SUCLG2: variants seen among roughly 807,000 people sequenced by gnomAD.
The protein encoded by SUCLG2 is succinate--CoA ligase [GDP-forming] subunit beta, mitochondrial.
SUCLG2 carries 42 observed loss-of-function variants against 47.9 expected under a neutral mutation model. The ratio of observed to expected loss-of-function variants is 0.88; its 90% CI spans 0.69 to 1.14. The LOEUF (loss-of-function observed/expected upper bound fraction) is 1.14. Among genes scored for constraint, SUCLG2 ranks in the 50% most tolerant of loss-of-function variants. SUCLG2 has a pLI of 0.00. For missense variants in SUCLG2, 571 were observed against 525.9 expected (o/e 1.09, Z -0.84); for synonymous variants, 195 against 197.3 (o/e 0.99, Z 0.10).
At chr3:67,559,357 G>A (rs937479008) in intron 2 of SUCLG2, among the ~76,000 whole-genome samples, 21 of 152,332 alleles carry the variant, frequency 1.4e-4, no homozygotes, top group African/African-American at 5.1e-4. Flanking sequence ...TGTTCCGCAT[G>A]GCTGGGGAGG....
At chr3:67,646,217 G>A (rs899479243) in intron 1 of SUCLG2, among the ~76,000 whole-genome samples, 1 of 152,130 alleles carries the variant, frequency 6.6e-6, no homozygotes, top group Non-Finnish European at 1.5e-5. Flanking sequence ...AAAGCATGGT[G>A]CTGTTCCTCT....
intron 1 of SUCLG2, among the ~76,000 whole-genome samples, chr3:67,642,160 T>C (rs75746181): frequency 0.078 from 11,928 of 152,240 alleles, 546 homozygotes; most frequent in Middle Eastern, 0.13. Context: ...GATTTCAACA[T>C]AGGAATTTTG....
intron 9 of SUCLG2, among the ~76,000 whole-genome samples, chr3:67,438,940 G>GA (rs751778636): frequency 1.3e-5 from 2 of 151,988 alleles, no homozygotes; most frequent in Non-Finnish European, 2.9e-5. Flanking sequence ...ATAAAAAAAG[G>GA]AAATTTCAGA....
At chr3:67,533,608 A>T (rs896417943) in intron 2 of SUCLG2, among the ~76,000 whole-genome samples, 1 of 152,226 alleles carries the variant, frequency 6.6e-6, no homozygotes, top group Non-Finnish European at 1.5e-5. Flanking sequence ...TTGTGTAAAG[A>T]TGAACTTTAA....
At chr3:67,526,353 T>C (rs143440265) in intron 4 of SUCLG2, among the ~76,000 whole-genome samples, 232 of 152,324 alleles carry the variant, frequency 1.5e-3, no homozygotes, top group African/African-American at 5.4e-3. Context: ...CTTGGGCCAC[T>C]TTCAAAGCCA....
chr3:67,636,338 C>T (rs575512620), intron 1 of SUCLG2, among the ~76,000 whole-genome samples: 5 of 151,476 alleles, frequency 3.3e-5, no homozygotes, highest in Admixed American at 2.6e-4. Flanking sequence ...GGAAAATGGA[C>T]ACCAAGGCAG....
At chr3:67,396,369 T>C (rs1374664507) in intron 10 of SUCLG2, among the ~76,000 whole-genome samples, 1 of 151,938 alleles carries the variant, frequency 6.6e-6, no homozygotes, top group Non-Finnish European at 1.5e-5. Flanking sequence ...AAATACAAAC[T>C]ACCATCAGAG....
At position 67,609,620 on chromosome 3, in the gene SUCLG2, T is replaced by C. The variant is rs1396009006; in HGVS notation, c.85-24A>G. 2.5e-6 allele frequency: 4 copies of C among 1,608,150 alleles called. No homozygotes were observed. In the South Asian group the frequency reaches 4.4e-5, roughly 18 times the overall value. On this transcript the variant is annotated intron_variant, in intron 1 of 10. Transcript: ENST00000307227. ...GCCTACAGAAATTGAAGGAGAGAGGTAAGAACATTCATTAATAGCAAGAAA... is the reference window on the plus strand; with the variant it reads ...GCCTACAGAAATTGAAGGAGAGAGGCAAGAACATTCATTAATAGCAAGAAA...
intron 7 of SUCLG2, among the ~76,000 whole-genome samples, chr3:67,508,297 T>C (rs1397486421): frequency 6.6e-6 from 1 of 152,220 alleles, no homozygotes; most frequent in Non-Finnish European, 1.5e-5. Flanking sequence ...CATAAAGGCA[T>C]ATGCCTTCAT....
intron 9 of SUCLG2, among the ~76,000 whole-genome samples, chr3:67,444,126 G>A (rs1375068566): frequency 9.1e-5 from 7 of 76,928 alleles, no homozygotes; most frequent in African/African-American, 2.1e-4. Flanking sequence ...TCAGCCCCCC[G>A]CCTGGCCAGC....
intron 9 of SUCLG2, among the ~76,000 whole-genome samples, chr3:67,482,146 C>T (rs1704934561): frequency 6.6e-6 from 1 of 151,898 alleles, no homozygotes; most frequent in Non-Finnish European, 1.5e-5. Flanking sequence ...TGCCACTGCA[C>T]TCCAGCCTGA....
At chr3:67,437,266 G>A (rs568216051) in intron 9 of SUCLG2, among the ~76,000 whole-genome samples, 61 of 152,222 alleles carry the variant, frequency 4.0e-4, no homozygotes, top group Admixed American at 1.2e-3. Context: ...TGCAAGGGGA[G>A]GTGATTACAC....
At chr3:67,599,432 A>G (rs1013960775) in intron 2 of SUCLG2, among the ~76,000 whole-genome samples, 2 of 152,220 alleles carry the variant, frequency 1.3e-5, no homozygotes, top group Non-Finnish European at 2.9e-5. Flanking sequence ...TGAATCCACT[A>G]AACAAGGAAC....
At chr3:67,427,908 G>T (rs1176873566) in intron 9 of SUCLG2, among the ~76,000 whole-genome samples, 2 of 152,206 alleles carry the variant, frequency 1.3e-5, no homozygotes, top group African/African-American at 4.8e-5. Context: ...TGGCAGCAAG[G>T]CTGGGGGAGG....
At chr3:67,641,943 A>G (rs1205066607) in intron 1 of SUCLG2, among the ~76,000 whole-genome samples, 3 of 152,086 alleles carry the variant, frequency 2.0e-5, no homozygotes, top group Non-Finnish European at 2.9e-5. Flanking sequence ...TCATCTTCAC[A>G]TGGCTTTCTC....
intron 9 of SUCLG2, among the ~76,000 whole-genome samples, chr3:67,414,119 C>T (rs1559517381): frequency 1.3e-5 from 2 of 152,178 alleles, no homozygotes; most frequent in Non-Finnish European, 2.9e-5. Context: ...CCTGGATGGT[C>T]TTCTGTGTTG....
At chr3:67,470,530 T>C (rs1367616227) in intron 9 of SUCLG2, among the ~76,000 whole-genome samples, 1 of 152,202 alleles carries the variant, frequency 6.6e-6, no homozygotes, top group Non-Finnish European at 1.5e-5. Context: ...CATCCTCAAA[T>C]GGATGAATGT....
At chr3:67,412,113 G>A (rs1702943793) in intron 9 of SUCLG2, among the ~76,000 whole-genome samples, 1 of 152,190 alleles carries the variant, frequency 6.6e-6, no homozygotes, top group South Asian at 2.1e-4. Context: ...TGACCTTGCT[G>A]TTATCTGTTG....
intron 2 of SUCLG2, among the ~76,000 whole-genome samples, chr3:67,529,895 C>T (rs1706355362): frequency 6.6e-6 from 1 of 152,190 alleles, no homozygotes; most frequent in African/African-American, 2.4e-5. Flanking sequence ...TCTTCCCTTG[C>T]AGGGAAGTTG....
Sources: gnomAD v4.1 joint callset for allele counts (sites outside exome capture counted in the v4.1 genomes callset) on GRCh38, gnomAD v4.1.1 for gene constraint, MANE v1.5 for transcripts, NCBI Gene and HGNC (gene_info 2026-07-23, HGNC 2026-07-21) for gene names.